RIMBP2: variants seen among roughly 807,000 people sequenced by gnomAD.
The protein encoded by RIMBP2 is RIMS binding protein 2.
In RIMBP2, 48 loss-of-function variants were observed where a neutral mutation model predicts 118.6. The ratio of observed to expected loss-of-function variants is 0.40; its 90% CI spans 0.32 to 0.51. RIMBP2 has a LOEUF of 0.51. RIMBP2 is among the 20% of genes least tolerant of loss of function. The probability of loss-of-function intolerance (pLI) is 0.41; values close to 1 mark genes in which losing one functional copy is unlikely to be tolerated. For synonymous variants in RIMBP2, 762 were observed against 742.9 expected (o/e 1.03, Z -0.42); for missense variants, 1,551 against 1,768.3 (o/e 0.88, Z 2.20).
chr12:130,655,457 G>A (rs944714306), intron 1 of RIMBP2, among the ~76,000 whole-genome samples: 8 of 152,216 alleles, frequency 5.3e-5, no homozygotes, highest in Non-Finnish European at 1.2e-4. Context: ...AGACCAAGGA[G>A]GGGTGGGCAG....
At chr12:130,500,390 G>A (rs950217345) in intron 4 of RIMBP2, among the ~76,000 whole-genome samples, 71 of 152,288 alleles carry the variant, frequency 4.7e-4, no homozygotes, top group African/African-American at 1.5e-3. Context: ...CCTGGCAGGC[G>A]GAGGTTGCAG....
chr12:130,489,900 T>C (rs1283884421), intron 4 of RIMBP2, among the ~76,000 whole-genome samples: 2 of 151,826 alleles, frequency 1.3e-5, no homozygotes, highest in Non-Finnish European at 2.9e-5. Flanking sequence ...CCAAGGAGGG[T>C]GGATCACAAG....
At chr12:130,645,019 G>T (rs1192992528) in intron 1 of RIMBP2, among the ~76,000 whole-genome samples, 1 of 152,200 alleles carries the variant, frequency 6.6e-6, no homozygotes, top group Admixed American at 6.5e-5. Context: ...CCGTTGTTAA[G>T]TCACAGGTAG....
At chr12:130,711,519 T>C (rs978516402) in intron 1 of RIMBP2, among the ~76,000 whole-genome samples, 1 of 152,220 alleles carries the variant, frequency 6.6e-6, no homozygotes, top group Non-Finnish European at 1.5e-5. Context: ...GTGCTTTGTC[T>C]TTTTTCTCCA....
chr12:130,445,103 G>A lies in RIMBP2; in HGVS notation c.691+57C>T. The A allele has an allele frequency of 2.6e-6, 3 of 1,134,116 alleles. No individual in the cohort carries two copies. In the Admixed American group the frequency reaches 6.9e-5, roughly 26 times the overall value. The allele number at this position is 1,134,116 out of a possible 1,614,324, so 70.3% of individuals were successfully genotyped here. On this transcript the variant is annotated intron_variant, in intron 10 of 22. Coordinates refer to ENST00000690449, the MANE Select transcript of RIMBP2 (RefSeq NM_001393629.1). ...ATCTATCAGGCCCCTGGAAGAGGTG[G>A]TCTGCGGGGTGGACTGGCCCAGCCT...
intron 11 of RIMBP2, among the ~76,000 whole-genome samples, chr12:130,441,440 TAA>T (rs1491135358): frequency 4.1e-5 from 6 of 145,084 alleles, no homozygotes; most frequent in African/African-American, 1.3e-4. Flanking sequence ...ATAATAATAA[TAA>T]TAATAATTTA....
intron 1 of RIMBP2, among the ~76,000 whole-genome samples, chr12:130,675,720 G>A (rs1258719543): frequency 6.6e-6 from 1 of 152,194 alleles, no homozygotes; most frequent in Non-Finnish European, 1.5e-5. Flanking sequence ...ACAGCACTCC[G>A]ATATAAAGTC....
At chr12:130,639,455 G>A (rs1395827722) in intron 1 of RIMBP2, among the ~76,000 whole-genome samples, 3 of 114,736 alleles carry the variant, frequency 2.6e-5, no homozygotes, top group Non-Finnish European at 4.9e-5. Context: ...GGAGGCCAAG[G>A]CACTCCAGAC....
rs1345321248 is a variant in RIMBP2, at chr12:130,412,801, G to A, written c.3421-14C>T. The A allele has an allele frequency of 1.3e-6, 2 of 1,599,926 alleles. No homozygotes were observed. The highest frequency in any genetic ancestry group is 1.3e-5 in the African/African-American group (1 of 74,276). ...ATCACCATAAACCTAGAGCCAAGGG[G>A]GAAAATAAATCAAGCACTGTAATTG... On this transcript the variant is annotated splice_polypyrimidine_tract_variant and intron_variant, in intron 18 of 22. Coordinates refer to ENST00000690449, the MANE Select transcript of RIMBP2 (RefSeq NM_001393629.1).
chr12:130,467,754 T>C (rs1339651855), intron 6 of RIMBP2, among the ~76,000 whole-genome samples: 2 of 152,134 alleles, frequency 1.3e-5, no homozygotes, highest in Non-Finnish European at 2.9e-5. Context: ...CCAATGTACA[T>C]CTTATACTTA....
chr12:130,438,335 A>AGCCCACC, intron 12 of RIMBP2, 30 bp downstream of exon 12: 4 of 865,010 alleles, frequency 4.6e-6, no homozygotes, highest in Non-Finnish European at 7.7e-6. Flanking sequence ...GGCCTAACAA[A>AGCCCACC]CCCTCCCCAC....
chr12:130,666,221 T>C (rs2063909473), intron 1 of RIMBP2, among the ~76,000 whole-genome samples: 1 of 152,110 alleles, frequency 6.6e-6, no homozygotes, highest in South Asian at 2.1e-4. Flanking sequence ...ACCTGGGAAG[T>C]TGTTATTTTA....
Position 130,447,734 on chromosome 12 carries a change from T to C in RIMBP2, c.582-2465A>G, listed in dbSNP as rs1172121125. Among the ~76,000 whole-genome samples, 2 of 152,140 alleles carry C rather than the reference T, an allele frequency of 1.3e-5. No homozygotes were observed. The highest frequency in any genetic ancestry group is 2.9e-5 in the Non-Finnish European group (2 of 68,018). On this transcript the variant is annotated intron_variant, in intron 9 of 22. Coordinates refer to ENST00000690449, the MANE Select transcript of RIMBP2 (RefSeq NM_001393629.1). The surrounding 1 kb of genome is among the most constrained non-coding windows in gnomAD (Gnocchi z 4.4). ...GGTGATGAATGTGTCAGCCTCACCCTGGACCTCGGGTGGGAAGGACCCAGG... is the reference window on the plus strand; with the variant it reads ...GGTGATGAATGTGTCAGCCTCACCCCGGACCTCGGGTGGGAAGGACCCAGG...
chr12:130,664,119 A>T (rs914324434), intron 1 of RIMBP2, among the ~76,000 whole-genome samples: 1 of 151,790 alleles, frequency 6.6e-6, no homozygotes, highest in Non-Finnish European at 1.5e-5. Context: ...AAAAATAAAA[A>T]TAAAAAAGAA....
chr12:130,611,438 C>T (rs2060541735), intron 2 of RIMBP2, among the ~76,000 whole-genome samples: 1 of 152,238 alleles, frequency 6.6e-6, no homozygotes. Flanking sequence ...GAAGCCAGGG[C>T]ACCTGGGGCC....
At chr12:130,610,104 T>C (rs1200751813) in intron 2 of RIMBP2, among the ~76,000 whole-genome samples, 1 of 150,432 alleles carries the variant, frequency 6.6e-6, no homozygotes, top group African/African-American at 2.4e-5. Context: ...GGGGGGAAAA[T>C]GGGAAGCCTG....
chr12:130,555,144 G>A (rs1347789645), intron 2 of RIMBP2, among the ~76,000 whole-genome samples: 4 of 152,302 alleles, frequency 2.6e-5, no homozygotes, highest in Non-Finnish European at 5.9e-5. Flanking sequence ...TGAACCCTGC[G>A]ATCTGACTCC....
At chr12:130,649,913 C>A (rs1482058221) in intron 1 of RIMBP2, among the ~76,000 whole-genome samples, 2 of 152,114 alleles carry the variant, frequency 1.3e-5, no homozygotes, top group African/African-American at 4.8e-5. Flanking sequence ...TCCCTTCAAC[C>A]CATAGGCTCA....
At chr12:130,695,518 G>T (rs1476075926) in intron 1 of RIMBP2, among the ~76,000 whole-genome samples, 1 of 152,206 alleles carries the variant, frequency 6.6e-6, no homozygotes, top group Non-Finnish European at 1.5e-5. Context: ...AAAGTGGGAG[G>T]TTCGCTCGAG....
Sources: gnomAD v4.1 joint callset for allele counts (sites outside exome capture counted in the v4.1 genomes callset) on GRCh38, gnomAD v4.1.1 for gene constraint, Gnocchi (gnomAD v3.1) non-coding constraint, MANE v1.5 for transcripts, NCBI Gene and HGNC (gene_info 2026-07-23, HGNC 2026-07-21) for gene names.